SHISA9: variants seen among roughly 807,000 people sequenced by gnomAD.
The protein encoded by SHISA9 is protein shisa-9.
A neutral mutation model predicts 38.0 loss-of-function variants in SHISA9; 13 were observed. That is an observed-to-expected ratio of 0.34 (90% CI 0.22 to 0.54). SHISA9 has a LOEUF of 0.54. SHISA9 is among the 20% of genes least tolerant of loss of function. The probability of loss-of-function intolerance (pLI) is 0.91; values close to 1 mark genes in which losing one functional copy is unlikely to be tolerated. For missense variants in SHISA9, 538 were observed against 575.8 expected (o/e 0.93, Z 0.67); for synonymous variants, 275 against 242.0 (o/e 1.14, Z -1.27).
intron 2 of SHISA9, among the ~76,000 whole-genome samples, chr16:13,133,972 T>G (rs204018): frequency 0.71 from 107,311 of 152,164 alleles, 38,645 homozygotes; most frequent in Non-Finnish European, 0.77. Flanking sequence ...GTTTAAAAAT[T>G]TCCTACTGAC....
chr16:13,438,919 AGTGAC>A, the SHISA9 span, among the ~76,000 whole-genome samples: 2 of 152,206 alleles, frequency 1.3e-5, no homozygotes, highest in Non-Finnish European at 2.9e-5. Flanking sequence ...AACTAGAAAA[AGTGAC>A]CCTAAAAGAA....
intron 2 of SHISA9, among the ~76,000 whole-genome samples, chr16:13,077,990 C>G (rs1010150444): frequency 2.6e-5 from 4 of 152,128 alleles, no homozygotes; most frequent in African/African-American, 9.7e-5. Context: ...AACAGAAGCT[C>G]AAGCAATAGA....
At chr16:13,220,450 G>A (rs2051212475) in intron 4 of SHISA9, among the ~76,000 whole-genome samples, 1 of 152,154 alleles carries the variant, frequency 6.6e-6, no homozygotes, top group African/African-American at 2.4e-5. Context: ...GATGGAGAAA[G>A]TCAAAGAATT....
the SHISA9 span, among the ~76,000 whole-genome samples, chr16:13,410,418 T>G: frequency 6.6e-6 from 1 of 152,206 alleles, no homozygotes; most frequent in African/African-American, 2.4e-5. Context: ...GCAACAGTTC[T>G]TTTCATAAAT....
chr16:12,938,717 G>T (rs1233144922), intron 2 of SHISA9, among the ~76,000 whole-genome samples: 1 of 151,984 alleles, frequency 6.6e-6, no homozygotes, highest in Admixed American at 6.5e-5. Flanking sequence ...TGGCCAGGAT[G>T]CTCTTGAACT....
chr16:12,980,046 T>C (rs1288934568), intron 2 of SHISA9, among the ~76,000 whole-genome samples: 1 of 152,220 alleles, frequency 6.6e-6, no homozygotes, highest in East Asian at 1.9e-4. Context: ...CTGAGGCTAC[T>C]GATTCAAGGA....
chr16:13,237,832 A>T lies in SHISA9; in HGVS notation c.*2423A>T, dbSNP rs1291626062. ...CAGAGTCAAGTAAATACCACTGGGC[A>T]TGGTCAGAGTTTCCTTGACGTTAAT... On this transcript the variant is annotated 3_prime_UTR_variant, in exon 5 of 5. Transcript: ENST00000558583. 6.6e-6 allele frequency: 1 copy of T among 152,168 alleles called. No individual in the cohort carries two copies. The highest frequency in any genetic ancestry group is 1.5e-5 in the Non-Finnish European group (1 of 68,038). 9.4% of individuals were successfully genotyped at this position (152,168 alleles called of 1,614,324 possible). A position where few individuals can be genotyped will look rare whatever the true frequency, so the allele number is the denominator to read the frequency against.
the SHISA9 span, among the ~76,000 whole-genome samples, chr16:13,287,512 C>G: frequency 6.6e-6 from 1 of 152,136 alleles, no homozygotes; most frequent in Non-Finnish European, 1.5e-5. Flanking sequence ...GATGTTGAAC[C>G]ATTCAGATGC....
intron 2 of SHISA9, among the ~76,000 whole-genome samples, chr16:13,173,630 C>T (rs2050707777): frequency 6.6e-6 from 1 of 152,148 alleles, no homozygotes; most frequent in African/African-American, 2.4e-5. Flanking sequence ...TTGCAGGAGG[C>T]AGTGGGCAGG....
At chr16:13,091,230 C>T (rs558943608) in intron 2 of SHISA9, among the ~76,000 whole-genome samples, 1 of 152,186 alleles carries the variant, frequency 6.6e-6, no homozygotes, top group East Asian at 1.9e-4. Context: ...CTGCCCTTAA[C>T]ACTTTTTCCT....
the SHISA9 span, among the ~76,000 whole-genome samples, chr16:13,478,858 T>A: frequency 6.6e-6 from 1 of 152,174 alleles, no homozygotes; most frequent in South Asian, 2.1e-4. Flanking sequence ...CTGTACTCAA[T>A]AAGCCACCTG....
rs566240177 is a variant in SHISA9, at chr16:13,168,111, A to C, written c.692-35283A>C. On this transcript the variant is annotated intron_variant, in intron 2 of 4. Coordinates refer to ENST00000558583, the MANE Select transcript of SHISA9 (RefSeq NM_001145204.3). ...ATTAGCCAGTTCCTGGAGATAGTAA[A>C]GGACTTAACTTCAAGCGTGACTGTC... 1.9e-4 allele frequency among the ~76,000 whole-genome samples: 29 copies of C among 152,258 alleles called. No individual in the cohort carries two copies. In the East Asian group the frequency reaches 5.2e-3, roughly 27 times the overall value.
At chr16:13,369,282 C>T in the SHISA9 span, among the ~76,000 whole-genome samples, 1 of 151,942 alleles carries the variant, frequency 6.6e-6, no homozygotes, top group Non-Finnish European at 1.5e-5. Context: ...CCTGGGAGAA[C>T]ATTAGGGCTA....
intron 2 of SHISA9, among the ~76,000 whole-genome samples, chr16:13,115,256 C>T (rs1469056215): frequency 6.6e-6 from 1 of 152,128 alleles, no homozygotes; most frequent in Non-Finnish European, 1.5e-5. Flanking sequence ...AAGACACACA[C>T]ACAGAAATAT....
intron 3 of SHISA9, 91 bp downstream of exon 3, chr16:13,203,640 C>T: frequency 1.5e-6 from 2 of 1,313,250 alleles, no homozygotes; most frequent in Non-Finnish European, 1.0e-6. Context: ...GTTTTCTTTC[C>T]TAATTCCTTT....
chr16:13,263,885 G>A, the SHISA9 span, among the ~76,000 whole-genome samples: 2 of 151,898 alleles, frequency 1.3e-5, no homozygotes, highest in Non-Finnish European at 2.9e-5. Flanking sequence ...AAAATAAAAT[G>A]TCTTTCAAAA....
intron 2 of SHISA9, among the ~76,000 whole-genome samples, chr16:12,917,337 G>C (rs1596528131): frequency 6.6e-6 from 1 of 152,130 alleles, no homozygotes. Flanking sequence ...ATAATCCACA[G>C]AATATTCCGT....
At chr16:13,169,593 A>C (rs1196378814) in intron 2 of SHISA9, among the ~76,000 whole-genome samples, 2 of 152,238 alleles carry the variant, frequency 1.3e-5, no homozygotes, top group African/African-American at 4.8e-5. Context: ...TTTATGAAAA[A>C]CACTAGGCAG....
the SHISA9 span, among the ~76,000 whole-genome samples, chr16:13,364,488 T>G: frequency 6.6e-6 from 1 of 152,232 alleles, no homozygotes; most frequent in Non-Finnish European, 1.5e-5. Flanking sequence ...AAGATGGTTC[T>G]TTTCACCCAA....
Sources: gnomAD v4.1 joint callset for allele counts (sites outside exome capture counted in the v4.1 genomes callset) on GRCh38, gnomAD v4.1.1 for gene constraint, MANE v1.5 for transcripts, NCBI Gene and HGNC (gene_info 2026-07-23, HGNC 2026-07-21) for gene names.